The following CHL1 variants were observed in gnomAD, a reference collection of about 807,000 sequenced individuals.
The protein encoded by CHL1 is neural cell adhesion molecule L1-like protein.
In CHL1, 96 loss-of-function variants were observed where a neutral mutation model predicts 141.9. The observed-to-expected ratio is 0.68, with a 90% CI of 0.57 to 0.80. CHL1 has a LOEUF of 0.80. Ranked by LOEUF, CHL1 falls within the 30% of genes least tolerant of loss-of-function variation. The probability of loss-of-function intolerance (pLI) is 0.00; values close to 1 mark genes in which losing one functional copy is unlikely to be tolerated. For synonymous variants in CHL1, 613 were observed against 502.2 expected (o/e 1.22, Z -2.95); for missense variants, 1,820 against 1,457.2 (o/e 1.25, Z -4.05).
At chr3:262,844 A>G (rs1460423276) in intron 2 of CHL1, among the ~76,000 whole-genome samples, 1 of 152,226 alleles carries the variant, frequency 6.6e-6, no homozygotes, top group East Asian at 1.9e-4. Flanking sequence ...AAGCCTTCAA[A>G]GACATCACTG....
intron 20 of CHL1, 77 bp downstream of exon 20, chr3:389,551 A>G (rs1708055867): frequency 5.3e-6 from 6 of 1,123,934 alleles, no homozygotes; most frequent in African/African-American, 1.5e-5. Flanking sequence ...ATCAACAAAT[A>G]TTTGTGAACA....
At chr3:216,575 T>G (rs1314125164) in intron 1 of CHL1, among the ~76,000 whole-genome samples, 1 of 152,204 alleles carries the variant, frequency 6.6e-6, no homozygotes, top group Non-Finnish European at 1.5e-5. Context: ...AGATGTCTTG[T>G]GTGAGATGTG....
chr3:363,200 G>C lies in CHL1; in HGVS notation c.1419-17G>C. 1.2e-6 allele frequency: 2 copies of C among 1,600,284 alleles called. No homozygotes were observed. The highest frequency in any genetic ancestry group is 1.8e-5 in the Admixed American group (1 of 56,346). On this transcript the variant is annotated splice_polypyrimidine_tract_variant and intron_variant, in intron 13 of 27. Transcript: ENST00000256509. ...TTTGCCCTACCTCAGATGGATGTACGCTTTCTTTGTCCATAGGCAGAAGGT... is the reference window on the plus strand; with the variant it reads ...TTTGCCCTACCTCAGATGGATGTACCCTTTCTTTGTCCATAGGCAGAAGGT...
chr3:394,844 G>T lies in CHL1; in HGVS notation c.3066G>T (p.Thr1022=), dbSNP rs750606043. Residue 1022 remains threonine, a synonymous_variant, in exon 24 of 28, where the codon ACG becomes ACT. Coordinates refer to ENST00000256509, the MANE Select transcript of CHL1 (RefSeq NM_006614.4). ...CTSQGCGKPI[T]EESSTLGEGS... ...CACAGGGCTGTGGAAAACCGATCAC[G>T]GAGGAAAGCTCCACCTTAGGAGAAG... 3.1e-6 allele frequency: 5 copies of T among 1,612,966 alleles called. No individual in the cohort carries two copies. The highest frequency in any genetic ancestry group is 4.2e-6 in the Non-Finnish European group (5 of 1,179,626).
At chr3:382,098 G>C in intron 16 of CHL1, 81 bp from the exon 17 acceptor site, 1 of 1,211,554 alleles carries the variant, frequency 8.3e-7, no homozygotes, top group Middle Eastern at 2.0e-4. Flanking sequence ...CTCTGTCTCC[G>C]GGTAGCTGGC....
chr3:304,457 G>A (rs1452270368), intron 2 of CHL1, among the ~76,000 whole-genome samples: 1 of 145,422 alleles, frequency 6.9e-6, no homozygotes, highest in Admixed American at 7.0e-5. Flanking sequence ...CTTCTTCCTG[G>A]CTTAGACTTG....
intron 2 of CHL1, among the ~76,000 whole-genome samples, chr3:260,276 A>C (rs1270208677): frequency 6.6e-6 from 1 of 152,152 alleles, no homozygotes; most frequent in Non-Finnish European, 1.5e-5. Context: ...ATAAATAAAT[A>C]AATAAATGTT....
In CHL1 at chr3:288,826, A is replaced by T. The variant is rs548553600; in HGVS notation, c.-94-30857A>T. On this transcript the variant is annotated intron_variant, in intron 2 of 27. Coordinates refer to ENST00000256509, the MANE Select transcript of CHL1 (RefSeq NM_006614.4). ...GTGAAGACAGCTTATCATTAAATAT[A>T]GTTTGAGACAAGCTTAATTGTGCAA... 2.0e-5 allele frequency among the ~76,000 whole-genome samples: 3 copies of T among 152,356 alleles called. No individual in the cohort carries two copies. In the South Asian group the frequency reaches 6.2e-4, roughly 32 times the overall value.
chr3:384,027 T>G (rs1390758772), intron 19 of CHL1, 141 bp downstream of exon 19: 2 of 546,184 alleles, frequency 3.7e-6, no homozygotes, highest in Non-Finnish European at 3.2e-6. Flanking sequence ...TGAGTCATCA[T>G]CACAAATTTT....
rs1709477714 is a variant in CHL1 at position 405,567 on chromosome 3, T to C, written c.3531T>C (p.Ala1177=). The part of the protein sequence containing the change: ...LNRDMQPTES[A]DSLVEYGEGD... ...GGGATATGCAGCCTACTGAAAGTGC[T>C]GACAGCTTAGTCGAATACGGAGAGG... is the stretch of plus-strand genomic sequence containing the variant. The change falls in exon 28 of 28, where the codon GCT becomes GCC. Residue 1177 remains alanine (A), a synonymous_variant. Coordinates refer to ENST00000256509, the MANE Select transcript of CHL1 (RefSeq NM_006614.4). 1.9e-6 allele frequency: 3 copies of C among 1,613,428 alleles called. No individual in the cohort carries two copies. The highest frequency in any genetic ancestry group is 2.5e-6 in the Non-Finnish European group (3 of 1,179,570).
At chr3:372,646 C>T (rs1672822449) in intron 15 of CHL1, among the ~76,000 whole-genome samples, 1 of 152,006 alleles carries the variant, frequency 6.6e-6, no homozygotes, top group Non-Finnish European at 1.5e-5. Context: ...AGTTCTGCGC[C>T]CTTGGTGGAG....
At chr3:330,126 A>G (rs542512168) in intron 5 of CHL1, among the ~76,000 whole-genome samples, 1 of 152,266 alleles carries the variant, frequency 6.6e-6, no homozygotes, top group South Asian at 2.1e-4. Context: ...TTGATGATAT[A>G]TTGGGCTATG....
intron 2 of CHL1, among the ~76,000 whole-genome samples, chr3:310,584 A>AT (rs1286449249): frequency 2.0e-5 from 3 of 152,204 alleles, no homozygotes; most frequent in African/African-American, 7.2e-5. Flanking sequence ...GGAAGATTTC[A>AT]TTTTTTAGTG....
chr3:360,637 T>C (rs544002330), intron 12 of CHL1, among the ~76,000 whole-genome samples: 9 of 151,280 alleles, frequency 5.9e-5, no homozygotes, highest in South Asian at 4.2e-4. Flanking sequence ...ATGTGCACAA[T>C]GTGCAGGTTA....
At chr3:216,130 C>G (rs1224190020) in intron 1 of CHL1, among the ~76,000 whole-genome samples, 1 of 151,962 alleles carries the variant, frequency 6.6e-6, no homozygotes, top group South Asian at 2.1e-4. Context: ...GTAAAAAATA[C>G]CACTGTATTT....
chr3:231,813 G>A (rs749407012), intron 1 of CHL1, among the ~76,000 whole-genome samples: 12 of 152,020 alleles, frequency 7.9e-5, no homozygotes, highest in Non-Finnish European at 1.3e-4. Flanking sequence ...CTGACCTCTG[G>A]TGATCCACCC....
intron 2 of CHL1, among the ~76,000 whole-genome samples, chr3:288,502 C>CA (rs1347503796): frequency 5.3e-5 from 8 of 152,016 alleles, no homozygotes; most frequent in Non-Finnish European, 1.2e-4. Context: ...GTTTACAGAT[C>CA]TACTGTTCCT....
chr3:276,925 G>C (rs555202400), intron 2 of CHL1, among the ~76,000 whole-genome samples: 11 of 148,928 alleles, frequency 7.4e-5, no homozygotes, highest in Admixed American at 7.4e-4. Flanking sequence ...AAGAGTATGG[G>C]CTCCGGGCCA....
intron 2 of CHL1, among the ~76,000 whole-genome samples, chr3:291,205 A>G (rs1442771263): frequency 1.3e-5 from 2 of 151,984 alleles, no homozygotes; most frequent in Admixed American, 1.3e-4. Context: ...AAAAGGAACT[A>G]TGTTAATTTT....
Sources: allele counts gnomAD v4.1 joint callset (sites outside exome capture counted in the v4.1 genomes callset), GRCh38; gene constraint gnomAD v4.1.1; transcripts MANE v1.5; gene names NCBI Gene and HGNC (gene_info 2026-07-23, HGNC 2026-07-21).